Variants in PDE11A observed in about 807,000 individuals in gnomAD.
PDE11A encodes the protein phosphodiesterase 11A, also known as dual 3',5'-cyclic-AMP and -GMP phosphodiesterase 11A.
Under a neutral mutation model 100.5 loss-of-function variants are expected in PDE11A, and 100 were observed. The ratio of observed to expected loss-of-function variants is 1.00; its 90% CI spans 0.85 to 1.18. PDE11A has a LOEUF of 1.18. Ranked by LOEUF, PDE11A falls within the 50% of genes most tolerant of loss-of-function variation. The pLI is 0.00. For synonymous variants in PDE11A, 381 were observed against 420.8 expected (o/e 0.91, Z 1.16); for missense variants, 1,141 against 1,152.6 (o/e 0.99, Z 0.15).
chr2:177,862,679 T>C (rs2083963549), intron 5 of PDE11A, among the ~76,000 whole-genome samples: 1 of 151,704 alleles, frequency 6.6e-6, no homozygotes, highest in Non-Finnish European at 1.5e-5. Flanking sequence ...TGAAAGAAAC[T>C]GAAGAAAATA....
rs1166146339 is a variant in PDE11A, at chr2:177,627,133, C to A, written c.*2274G>T. On this transcript the variant is annotated 3_prime_UTR_variant, in exon 20 of 20. Coordinates refer to ENST00000286063, the MANE Select transcript of PDE11A (RefSeq NM_016953.4). ...ACTGCAAGCTCCGCCTCGCGGGTTC[C>A]CGCCATTCTCTTGCCTCAGCCTCCC... 1 of 143,082 alleles carries A rather than the reference C, an allele frequency of 7.0e-6. No individual in the cohort carries two copies. The highest frequency in any genetic ancestry group is 2.6e-5 in the African/African-American group (1 of 38,392). The allele number at this position is 143,082 out of a possible 1,614,324, so 8.9% of individuals were successfully genotyped here.
chr2:177,783,666 A>G (rs924142940), intron 9 of PDE11A, among the ~76,000 whole-genome samples: 8 of 152,178 alleles, frequency 5.3e-5, no homozygotes, highest in Admixed American at 5.2e-4. Context: ...ATTTTGCCCA[A>G]AATTAACCTT....
At chr2:178,035,140 A>T (rs1387589622) in intron 1 of PDE11A, among the ~76,000 whole-genome samples, 1 of 152,188 alleles carries the variant, frequency 6.6e-6, no homozygotes, top group Admixed American at 6.5e-5. Flanking sequence ...TTAGACTAAT[A>T]AAGAAGAAAA....
At chr2:178,032,180 C>A (rs187312797) in intron 1 of PDE11A, among the ~76,000 whole-genome samples, 252 of 152,190 alleles carry the variant, frequency 1.7e-3, no homozygotes, top group Non-Finnish European at 3.0e-3. Context: ...AAAGGAATTA[C>A]AATTAAACTA....
intron 1 of PDE11A, among the ~76,000 whole-genome samples, chr2:178,067,850 T>C (rs2087068704): frequency 6.6e-6 from 1 of 152,150 alleles, no homozygotes; most frequent in Admixed American, 6.5e-5. Context: ...AATGAATAAA[T>C]GAAGCTGTTG....
At chr2:177,967,265 C>T (rs1462011047) in intron 2 of PDE11A, among the ~76,000 whole-genome samples, 1 of 146,978 alleles carries the variant, frequency 6.8e-6, no homozygotes, top group Admixed American at 6.9e-5. Context: ...GGCAGGATCT[C>T]GGCTCACTGC....
chr2:177,721,623 A>AT (rs1390706324), intron 12 of PDE11A, among the ~76,000 whole-genome samples: 8 of 151,938 alleles, frequency 5.3e-5, no homozygotes, highest in South Asian at 2.1e-4. Flanking sequence ...GTGCTTTATG[A>AT]TTTTTTTTGA....
chr2:178,005,780 G>A (rs1484508450), intron 2 of PDE11A, among the ~76,000 whole-genome samples: 1 of 152,168 alleles, frequency 6.6e-6, no homozygotes, highest in Non-Finnish European at 1.5e-5. Flanking sequence ...TCCAGATTCA[G>A]CACTGTAACA....
chr2:177,788,399 G>C (rs1318032658), intron 9 of PDE11A, among the ~76,000 whole-genome samples: 1 of 149,606 alleles, frequency 6.7e-6, no homozygotes, highest in African/African-American at 2.5e-5. Context: ...GTGTGTAGAG[G>C]GAAATTTATA....
chr2:178,036,723 C>G (rs2086619429), intron 1 of PDE11A, among the ~76,000 whole-genome samples: 1 of 152,108 alleles, frequency 6.6e-6, no homozygotes, highest in African/African-American at 2.4e-5. Context: ...CACCACACAT[C>G]TACAATCATC....
At chr2:177,754,068 G>A (rs1012528601) in intron 10 of PDE11A, among the ~76,000 whole-genome samples, 2 of 151,688 alleles carry the variant, frequency 1.3e-5, no homozygotes, top group African/African-American at 4.8e-5. Flanking sequence ...GGGTGACTGC[G>A]AATATTTTGA....
At chr2:178,094,903 C>T (rs1445329849) in intron 2 of PDE11A, among the ~76,000 whole-genome samples, 1 of 152,160 alleles carries the variant, frequency 6.6e-6, no homozygotes, top group Admixed American at 6.5e-5. Context: ...TGAGAACTCA[C>T]TATCATGAGA....
chr2:177,944,841 T>C (rs1196389424), intron 2 of PDE11A, among the ~76,000 whole-genome samples: 1 of 127,630 alleles, frequency 7.8e-6, no homozygotes, highest in East Asian at 2.5e-4. Context: ...TCCCTCTCCG[T>C]CTCCCTCTCC....
intron 18 of PDE11A, among the ~76,000 whole-genome samples, chr2:177,667,799 G>C (rs2080612669): frequency 6.6e-6 from 1 of 152,186 alleles, no homozygotes. Context: ...ACTCAGGCAG[G>C]CTTTCCTAAC....
chr2:178,008,494 A>G (rs2086238475), intron 2 of PDE11A, among the ~76,000 whole-genome samples: 1 of 152,156 alleles, frequency 6.6e-6, no homozygotes, highest in Non-Finnish European at 1.5e-5. Context: ...GGGGCCATCA[A>G]TTTGTTGCCC....
At chr2:177,772,464 CAAT>C (rs1184154784) in intron 9 of PDE11A, among the ~76,000 whole-genome samples, 13 of 152,052 alleles carry the variant, frequency 8.5e-5, no homozygotes, top group African/African-American at 2.9e-4. Context: ...CTTAAAATAT[CAAT>C]AGGTATTTCA....
At chr2:177,730,346 C>T (rs919188127) in intron 10 of PDE11A, among the ~76,000 whole-genome samples, 5 of 152,104 alleles carry the variant, frequency 3.3e-5, no homozygotes, top group Non-Finnish European at 5.9e-5. Flanking sequence ...AAGCCCTTTT[C>T]TTAATTGGAA....
chr2:177,956,504 A>G (rs2085564627), intron 2 of PDE11A, among the ~76,000 whole-genome samples: 1 of 152,222 alleles, frequency 6.6e-6, no homozygotes, highest in African/African-American at 2.4e-5. Context: ...CAGTGTGGTG[A>G]TTCCTCAGGG....
intron 2 of PDE11A, among the ~76,000 whole-genome samples, chr2:177,910,042 G>A (rs941347171): frequency 6.6e-6 from 1 of 152,098 alleles, no homozygotes; most frequent in East Asian, 1.9e-4. Flanking sequence ...TCAATCAAAG[G>A]CTTAATTGAA....
Sources: allele counts gnomAD v4.1 joint callset (sites outside exome capture counted in the v4.1 genomes callset), GRCh38; gene constraint gnomAD v4.1.1; transcripts MANE v1.5; gene names NCBI Gene and HGNC (gene_info 2026-07-23, HGNC 2026-07-21).